Variants in GPC6 observed in about 807,000 individuals in gnomAD.
The protein encoded by GPC6 is glypican 6.
In GPC6, 14 loss-of-function variants were observed where a neutral mutation model predicts 55.2. The observed-to-expected ratio is 0.25, with a 90% CI of 0.17 to 0.40. The LOEUF is 0.40. Ranked by LOEUF, GPC6 falls within the 10% of genes least tolerant of loss-of-function variation. The pLI is 1.00. For synonymous variants in GPC6, 278 were observed against 259.6 expected (o/e 1.07, Z -0.68); for missense variants, 641 against 708.5 (o/e 0.90, Z 1.08).
In GPC6 at chr13:93,385,260, G is replaced by A. The variant is rs538238624; in HGVS notation, c.160+157644G>A. Among the ~76,000 whole-genome samples, 39 of 152,350 alleles carry A rather than the reference G, an allele frequency of 2.6e-4. 1 individual carries two copies. In the South Asian group the frequency reaches 7.9e-3, roughly 31 times the overall value. On this transcript the variant is annotated intron_variant, in intron 1 of 8. Coordinates refer to ENST00000377047, the MANE Select transcript of GPC6 (RefSeq NM_005708.5). ...GCAGGACAGTGAGGCTGGAGGAGTG[G>A]ACACCACTGGAGAAGGGGAAGGAGG...
chr13:93,831,951 G>A (rs1201922203), intron 3 of GPC6, among the ~76,000 whole-genome samples: 11 of 149,156 alleles, frequency 7.4e-5, no homozygotes, highest in South Asian at 4.3e-4. Flanking sequence ...ATAGCCAGGC[G>A]TGGTGGTGGG....
At chr13:93,244,706 G>A (rs1410834609) in intron 1 of GPC6, among the ~76,000 whole-genome samples, 5 of 152,200 alleles carry the variant, frequency 3.3e-5, no homozygotes, top group African/African-American at 9.6e-5. Flanking sequence ...GAAGGAGACA[G>A]TCTCTCCCCT....
intron 4 of GPC6, among the ~76,000 whole-genome samples, chr13:94,160,067 T>C (rs1431867896): frequency 6.6e-6 from 1 of 152,188 alleles, no homozygotes; most frequent in African/African-American, 2.4e-5. Flanking sequence ...TTCAGTTTCT[T>C]ATAGCCAATC....
intron 3 of GPC6, among the ~76,000 whole-genome samples, chr13:93,936,084 C>A (rs556320359): frequency 6.6e-6 from 1 of 152,176 alleles, no homozygotes; most frequent in Non-Finnish European, 1.5e-5. Context: ...ATATCACTCA[C>A]CACTATACAT....
intron 4 of GPC6, among the ~76,000 whole-genome samples, chr13:94,057,320 G>A (rs928597981): frequency 2.6e-5 from 4 of 152,092 alleles, no homozygotes; most frequent in African/African-American, 7.2e-5. Flanking sequence ...TTTCAAATTA[G>A]TTCTATTCGG....
intron 1 of GPC6, among the ~76,000 whole-genome samples, chr13:93,507,979 T>G (rs1880802601): frequency 6.6e-6 from 1 of 152,206 alleles, no homozygotes; most frequent in South Asian, 2.1e-4. Context: ...CAAATATGCA[T>G]TGAGTGGCTC....
intron 4 of GPC6, among the ~76,000 whole-genome samples, chr13:94,140,029 TTTTC>T (rs1213527570): frequency 6.6e-6 from 1 of 152,180 alleles, no homozygotes; most frequent in Admixed American, 6.5e-5. Flanking sequence ...AGAAAATTGT[TTTTC>T]TTTTTTTTTT....
intron 2 of GPC6, among the ~76,000 whole-genome samples, chr13:93,677,251 T>C (rs935801465): frequency 7.9e-5 from 12 of 152,198 alleles, no homozygotes; most frequent in Non-Finnish European, 1.6e-4. Flanking sequence ...CACTCTTGTT[T>C]CTTACATTTT....
intron 1 of GPC6, among the ~76,000 whole-genome samples, chr13:93,383,606 CCTT>C (rs1366719920): frequency 6.6e-6 from 1 of 152,124 alleles, no homozygotes; most frequent in African/African-American, 2.4e-5. Flanking sequence ...TTAATACTGA[CCTT>C]CTGAAGACCA....
At chr13:94,059,388 G>T (rs549251618) in intron 4 of GPC6, among the ~76,000 whole-genome samples, 1 of 151,774 alleles carries the variant, frequency 6.6e-6, no homozygotes, top group Non-Finnish European at 1.5e-5. Context: ...TTTCCTCAGC[G>T]TTTACCCTCC....
At chr13:93,588,488 C>A (rs1877311219) in intron 2 of GPC6, among the ~76,000 whole-genome samples, 1 of 151,872 alleles carries the variant, frequency 6.6e-6, no homozygotes. Flanking sequence ...TTATATAAAC[C>A]TACCTTCCTG....
intron 4 of GPC6, among the ~76,000 whole-genome samples, chr13:94,234,022 T>A (rs1352400205): frequency 6.6e-6 from 1 of 152,012 alleles, no homozygotes; most frequent in African/African-American, 2.4e-5. Flanking sequence ...ATTTGAAGTA[T>A]GAGAAATAGT....
At chr13:94,392,415 A>ATTTTT (rs59173357) in intron 7 of GPC6, among the ~76,000 whole-genome samples, 3 of 105,672 alleles carry the variant, frequency 2.8e-5, no homozygotes, top group South Asian at 3.1e-4. Flanking sequence ...TCTATTTTTA[A>ATTTTT]TTTTTTTTTT....
At chr13:93,527,233 G>A (rs889554917) in intron 1 of GPC6, among the ~76,000 whole-genome samples, 1 of 151,988 alleles carries the variant, frequency 6.6e-6, no homozygotes, top group Non-Finnish European at 1.5e-5. Context: ...TGTGGTAAGA[G>A]CACCTAACAT....
chr13:93,314,298 T>C (rs1879169329), intron 1 of GPC6, among the ~76,000 whole-genome samples: 1 of 152,130 alleles, frequency 6.6e-6, no homozygotes, highest in Non-Finnish European at 1.5e-5. Flanking sequence ...TAGGTGAGAC[T>C]GACCTGGAAA....
intron 2 of GPC6, among the ~76,000 whole-genome samples, chr13:93,612,237 C>T (rs907139964): frequency 6.6e-6 from 1 of 152,124 alleles, no homozygotes; most frequent in Non-Finnish European, 1.5e-5. Context: ...CGGTGGCTCA[C>T]GCCTGTAATC....
At chr13:93,279,209 C>T (rs1451749843) in intron 1 of GPC6, among the ~76,000 whole-genome samples, 1 of 152,198 alleles carries the variant, frequency 6.6e-6, no homozygotes, top group Admixed American at 6.5e-5. Flanking sequence ...CCAGACCTCA[C>T]TGCCAGAACT....
At chr13:94,360,782 G>A (rs1879026593) in intron 6 of GPC6, among the ~76,000 whole-genome samples, 1 of 152,138 alleles carries the variant, frequency 6.6e-6, no homozygotes, top group African/African-American at 2.4e-5. Context: ...CTTTTCAAAT[G>A]CATTCACACT....
intron 2 of GPC6, among the ~76,000 whole-genome samples, chr13:93,604,022 C>T (rs932313671): frequency 6.6e-6 from 1 of 152,228 alleles, no homozygotes; most frequent in African/African-American, 2.4e-5. Context: ...TGGGAGTACA[C>T]TCTGTATAGA....
Sources: allele counts gnomAD v4.1 joint callset (sites outside exome capture counted in the v4.1 genomes callset), GRCh38; gene constraint gnomAD v4.1.1; transcripts MANE v1.5; gene names NCBI Gene and HGNC (gene_info 2026-07-23, HGNC 2026-07-21).